GABRA2: variants seen among roughly 807,000 people sequenced by gnomAD.
GABRA2 encodes gamma-aminobutyric acid receptor subunit alpha-2.
Under a neutral mutation model 48.7 loss-of-function variants are expected in GABRA2, and 16 were observed. That is an observed-to-expected ratio of 0.33 (90% CI 0.22 to 0.50). The LOEUF (loss-of-function observed/expected upper bound fraction) is 0.50. Ranked by LOEUF, GABRA2 falls within the 20% of genes least tolerant of loss-of-function variation. The probability of loss-of-function intolerance (pLI) is 0.98; values close to 1 mark genes in which losing one functional copy is unlikely to be tolerated. For synonymous variants in GABRA2, 185 were observed against 184.5 expected (o/e 1.00, Z -0.02); for missense variants, 275 against 535.6 (o/e 0.51, Z 4.80).
rs76927987 is a variant in GABRA2 at position 46,248,154 on chromosome 4, T to C, written c.*2154A>G. Among the ~76,000 whole-genome samples the C allele has an allele frequency of 0.011, 1,681 of 151,400 alleles. 39 individuals carry two copies. Among genetic ancestry groups the C allele is most frequent in the African/African-American group, 0.038 (1,588 of 41,450 alleles). On this transcript the variant is annotated 3_prime_UTR_variant, in exon 10 of 10. Transcript: ENST00000381620. ...CTGTTTTTACATATACACATATTTA[T>C]AAATTTATAACTTATAGTCAGACAT... is the stretch of plus-strand genomic sequence containing the variant.
rs967012390 is a variant in GABRA2 at position 46,389,775 on chromosome 4, C to T, written c.-51G>A. 1.1e-5 allele frequency: 11 copies of T among 961,044 alleles called. No individual in the cohort carries two copies. The African/African-American group carries it at 2.2e-4, about 20-fold the overall frequency. The allele number at this position is 961,044 out of a possible 1,614,324, so 59.5% of individuals were successfully genotyped here. A position where few individuals can be genotyped will look rare whatever the true frequency, so the allele number is the denominator to read the frequency against. ...GAATTCGGTGTTTTCTTCCTTTTGCCCTGATCTTGACGAGATAGGAAACTT... is the reference window on the plus strand; with the variant it reads ...GAATTCGGTGTTTTCTTCCTTTTGCTCTGATCTTGACGAGATAGGAAACTT... On this transcript the variant is annotated 5_prime_UTR_variant, in exon 1 of 10. Coordinates refer to ENST00000381620, the MANE Select transcript of GABRA2 (RefSeq NM_000807.4).
chr4:46,342,283 C>T (rs1384008635), intron 3 of GABRA2, among the ~76,000 whole-genome samples: 2 of 152,020 alleles, frequency 1.3e-5, no homozygotes, highest in Admixed American at 6.6e-5. Context: ...ATTATATAAC[C>T]TCTGCCACTG....
At chr4:46,256,436 T>C (rs114531062) in intron 9 of GABRA2, 405 of 465,454 alleles carry the variant, frequency 8.7e-4, no homozygotes, top group African/African-American at 7.0e-3. Flanking sequence ...TGACATCACT[T>C]TCTACAGTAC....
chr4:46,271,218 G>T (rs1467979717), intron 8 of GABRA2, among the ~76,000 whole-genome samples: 1 of 151,878 alleles, frequency 6.6e-6, no homozygotes, highest in East Asian at 1.9e-4. Flanking sequence ...GTTATTGCTT[G>T]GAATGACAGA....
chr4:46,366,626 C>T (rs1052273546), intron 3 of GABRA2: 27 of 152,000 alleles, frequency 1.8e-4, no homozygotes, highest in African/African-American at 6.5e-4. Flanking sequence ...AGGTAGGGGT[C>T]ATCAATTTAT....
At chr4:46,256,572 A>G (rs140288104) in intron 9 of GABRA2, among the ~76,000 whole-genome samples, 57 of 151,666 alleles carry the variant, frequency 3.8e-4, no homozygotes, top group Non-Finnish European at 7.7e-4. Flanking sequence ...CCCTCCCCCA[A>G]GGTGTTACTT....
intron 8 of GABRA2, among the ~76,000 whole-genome samples, chr4:46,296,655 G>GAAAAAAAAAAAAAAAAAAAAA (rs113049147): frequency 7.8e-6 from 1 of 128,128 alleles, no homozygotes. Context: ...TCTATCAGGG[G>GAAAAAAAAAAAAAAAAAAAAA]GAAAAAAAAA....
Position 46,386,177 on chromosome 4 carries a change from A to G in GABRA2, c.84T>C (p.Ala28=). 2 of 1,604,278 alleles carry G rather than the reference A, an allele frequency of 1.2e-6. No individual in the cohort carries two copies. Among genetic ancestry groups the G allele is most frequent in the Non-Finnish European group, 1.7e-6 (2 of 1,173,126 alleles). The change falls in exon 3 of 10, where the codon GCT becomes GCC. Residue 28 remains alanine (A), a synonymous_variant. Coordinates refer to ENST00000381620, the MANE Select transcript of GABRA2 (RefSeq NM_000807.4). ...LVWDPARLVL[A]NIQEDEAKNN... is the part of the protein sequence containing the mutation. ...TTTTAGCCTCATCTTCTTGGATGTT[A>G]GCCAGCACCAACCTAAACAGATAAT... is the stretch of plus-strand genomic sequence containing the variant.
intron 4 of GABRA2, among the ~76,000 whole-genome samples, chr4:46,316,900 A>G (rs1728643746): frequency 6.6e-6 from 1 of 151,874 alleles, no homozygotes; most frequent in Non-Finnish European, 1.5e-5. Flanking sequence ...ACAAACTCCA[A>G]TGCACAAGCC....
chr4:46,289,973 G>A (rs372188238), intron 8 of GABRA2, among the ~76,000 whole-genome samples: 163 of 148,632 alleles, frequency 1.1e-3, no homozygotes, highest in African/African-American at 3.0e-3. Flanking sequence ...GTGCGGTGGC[G>A]CGATCTCGGC....
At position 46,244,020 on chromosome 4, in the gene GABRA2, T is replaced by C. The variant is rs1015742231; in HGVS notation, c.*6288A>G. The stretch of plus-strand genomic sequence containing the variant: ...CATCAAAACCTGAATTTGTATCTGC[T>C]CAGGAAAATCTTGAAAATTTATAGA... On this transcript the variant is annotated 3_prime_UTR_variant, in exon 10 of 10. Transcript: ENST00000381620. The C allele has an allele frequency of 6.6e-6, 1 of 151,540 alleles. No individual in the cohort carries two copies. The highest frequency in any genetic ancestry group is 1.5e-5 in the Non-Finnish European group (1 of 67,636). 9.4% of individuals were successfully genotyped at this position (151,540 alleles called of 1,614,324 possible). A position where few individuals can be genotyped will look rare whatever the true frequency, so the allele number is the denominator to read the frequency against.
chr4:46,337,014 G>A (rs534148015), intron 3 of GABRA2, among the ~76,000 whole-genome samples: 3 of 152,026 alleles, frequency 2.0e-5, no homozygotes, highest in South Asian at 2.1e-4. Context: ...TAAAATCTTT[G>A]CAAAACTATG....
At chr4:46,367,172 GAGA>G (rs1490468192) in intron 3 of GABRA2, 1 of 152,076 alleles carries the variant, frequency 6.6e-6, no homozygotes, top group Non-Finnish European at 1.5e-5. Context: ...CATTGTTTCT[GAGA>G]AGGATGACTC....
At chr4:46,351,728 C>T (rs1735155799) in intron 3 of GABRA2, among the ~76,000 whole-genome samples, 2 of 151,910 alleles carry the variant, frequency 1.3e-5, no homozygotes, top group South Asian at 2.1e-4. Flanking sequence ...TAGTCTAAAA[C>T]ATATCTTTAA....
chr4:46,359,990 A>G (rs1168879249), intron 3 of GABRA2, among the ~76,000 whole-genome samples: 1 of 152,154 alleles, frequency 6.6e-6, no homozygotes, highest in African/African-American at 2.4e-5. Context: ...ACAGGAGAGA[A>G]GAAGGAAACC....
chr4:46,275,347 C>A (rs1168039392), intron 8 of GABRA2, among the ~76,000 whole-genome samples: 3 of 152,112 alleles, frequency 2.0e-5, no homozygotes, highest in Non-Finnish European at 4.4e-5. Flanking sequence ...AAATCATAAT[C>A]TACAACATTT....
At chr4:46,346,131 C>T (rs1416809215) in intron 3 of GABRA2, among the ~76,000 whole-genome samples, 1 of 151,870 alleles carries the variant, frequency 6.6e-6, no homozygotes, top group African/African-American at 2.4e-5. Flanking sequence ...CCTACATGTG[C>T]CATTTGTCAT....
intron 8 of GABRA2, among the ~76,000 whole-genome samples, chr4:46,286,092 A>C (rs891503939): frequency 3.3e-5 from 5 of 152,028 alleles, no homozygotes; most frequent in Non-Finnish European, 7.4e-5. Flanking sequence ...CTCTGTCTCT[A>C]TTAAGTAATC....
intron 3 of GABRA2, among the ~76,000 whole-genome samples, chr4:46,340,600 T>C (rs889039878): frequency 1.1e-4 from 17 of 152,042 alleles, no homozygotes; most frequent in African/African-American, 3.1e-4. Flanking sequence ...ATATTGGATA[T>C]TACAGCAATT....
Sources: gnomAD v4.1 joint callset for allele counts (sites outside exome capture counted in the v4.1 genomes callset) on GRCh38, gnomAD v4.1.1 for gene constraint, MANE v1.5 for transcripts, NCBI Gene and HGNC (gene_info 2026-07-23, HGNC 2026-07-21) for gene names.